RIGI: variants seen among roughly 807,000 people sequenced by gnomAD.
RIGI encodes the protein antiviral innate immune response receptor RIG-I.
At chr9:32,463,432 G>A in the RIGI span, among the ~76,000 whole-genome samples, 2 of 152,130 alleles carry the variant, frequency 1.3e-5, no homozygotes, top group African/African-American at 4.8e-5. Context: ...CAGAATAGAG[G>A]TTACCAGGAA....
the RIGI span, among the ~76,000 whole-genome samples, chr9:32,507,599 C>T: frequency 3.3e-5 from 5 of 151,878 alleles, no homozygotes; most frequent in African/African-American, 9.7e-5. Flanking sequence ...GCTTTCTTTA[C>T]GTATGCATTT....
the RIGI span, chr9:32,456,919 A>G: frequency 3.7e-6 from 2 of 540,026 alleles, no homozygotes; most frequent in Admixed American, 3.3e-5. Context: ...AAGTACTATG[A>G]GCTCTGTTGG....
At chr9:32,525,956 G>A in the RIGI span, 6 of 895,054 alleles carry the variant, frequency 6.7e-6, no homozygotes, top group Non-Finnish European at 1.1e-5. Flanking sequence ...ACAAACCTGG[G>A]GAGTCTGGCA....
chr9:32,462,115 T>C, the RIGI span, among the ~76,000 whole-genome samples: 1 of 152,176 alleles, frequency 6.6e-6, no homozygotes, highest in African/African-American at 2.4e-5. Flanking sequence ...AGCTGTGTGA[T>C]CTACTGGCAC....
the RIGI span, among the ~76,000 whole-genome samples, chr9:32,509,008 AC>A: frequency 5.3e-5 from 8 of 152,244 alleles, no homozygotes. Context: ...GGTAGACCCT[AC>A]TGCAGCTTGG....
the RIGI span, among the ~76,000 whole-genome samples, chr9:32,504,038 A>AACACAC: frequency 1.8e-3 from 239 of 135,758 alleles, no homozygotes; most frequent in African/African-American, 3.4e-3. Context: ...CAAGACTCCA[A>AACACAC]ACACACACAC....
the RIGI span, among the ~76,000 whole-genome samples, chr9:32,477,487 C>T: frequency 6.6e-6 from 1 of 152,110 alleles, no homozygotes; most frequent in Admixed American, 6.6e-5. Flanking sequence ...TTCAAAAGAT[C>T]ATGGGCTATG....
the RIGI span, chr9:32,457,173 C>T: frequency 6.2e-7 from 1 of 1,613,950 alleles, no homozygotes; most frequent in Non-Finnish European, 8.5e-7. Flanking sequence ...AATGAAAGTC[C>T]TTCCACTTCG....
the RIGI span, among the ~76,000 whole-genome samples, chr9:32,476,621 T>C: frequency 6.6e-6 from 1 of 151,612 alleles, no homozygotes; most frequent in Non-Finnish European, 1.5e-5. Context: ...ACATATATGG[T>C]TTCTTGACCG....
chr9:32,493,342 C>G, the RIGI span, among the ~76,000 whole-genome samples: 1 of 152,076 alleles, frequency 6.6e-6, no homozygotes, highest in Non-Finnish European at 1.5e-5. Context: ...AAGTACTATT[C>G]TGGCTGAGCA....
At chr9:32,491,320 C>A in the RIGI span, 1 of 1,613,236 alleles carries the variant, frequency 6.2e-7, no homozygotes, top group South Asian at 1.1e-5. Flanking sequence ...GACATGAATT[C>A]TCACTAAGAT....
chr9:32,513,212 A>G, the RIGI span, among the ~76,000 whole-genome samples: 1 of 152,146 alleles, frequency 6.6e-6, no homozygotes, highest in Non-Finnish European at 1.5e-5. Flanking sequence ...CAGAATTGGA[A>G]AAAACTACTT....
At chr9:32,508,619 T>G in the RIGI span, among the ~76,000 whole-genome samples, 1 of 151,954 alleles carries the variant, frequency 6.6e-6, no homozygotes, top group Non-Finnish European at 1.5e-5. Context: ...ACCAGGAGAT[T>G]CCCTCCGGTG....
At chr9:32,461,320 G>A in the RIGI span, among the ~76,000 whole-genome samples, 1 of 152,168 alleles carries the variant, frequency 6.6e-6, no homozygotes, top group African/African-American at 2.4e-5. Context: ...TCTAAACAGA[G>A]GAAATGATAA....
At chr9:32,496,079 A>G in the RIGI span, among the ~76,000 whole-genome samples, 1 of 152,224 alleles carries the variant, frequency 6.6e-6, no homozygotes, top group South Asian at 2.1e-4. Context: ...TTTGAGGCAC[A>G]TAAGTTTCAT....
At chr9:32,496,626 A>C in the RIGI span, among the ~76,000 whole-genome samples, 1 of 152,226 alleles carries the variant, frequency 6.6e-6, no homozygotes, top group Non-Finnish European at 1.5e-5. Context: ...CTCAGCCTCC[A>C]CAATCATGTG....
At chr9:32,501,858 A>G in the RIGI span, among the ~76,000 whole-genome samples, 2 of 152,374 alleles carry the variant, frequency 1.3e-5, no homozygotes, top group Admixed American at 1.3e-4. Flanking sequence ...ATCTTGCTCT[A>G]CTTAAAAGGA....
the RIGI span, chr9:32,491,281 G>C: frequency 1.2e-6 from 2 of 1,611,912 alleles, no homozygotes; most frequent in African/African-American, 1.3e-5. Flanking sequence ...TTATGGAAAA[G>C]GACAAACAAT....
chr9:32,458,304 A>G, the RIGI span, among the ~76,000 whole-genome samples: 3 of 152,182 alleles, frequency 2.0e-5, no homozygotes, highest in African/African-American at 7.2e-5. Context: ...AAATAAGGAG[A>G]TATTTTGTTT....
Sources: gnomAD v4.1 joint callset for allele counts (sites outside exome capture counted in the v4.1 genomes callset) on GRCh38, gnomAD v4.1.1 for gene constraint, MANE v1.5 for transcripts, NCBI Gene and HGNC (gene_info 2026-07-23, HGNC 2026-07-21) for gene names.